Variants in IARS1 observed in about 807,000 individuals in gnomAD.
IARS1 encodes the protein isoleucine--tRNA ligase, cytoplasmic.
A neutral mutation model predicts 168.2 loss-of-function variants in IARS1; 124 were observed. The ratio of observed to expected loss-of-function variants is 0.74; its 90% CI spans 0.64 to 0.86. The LOEUF (loss-of-function observed/expected upper bound fraction) is 0.86, where lower values mean the gene tolerates loss of function less well. Among genes scored for constraint, IARS1 ranks in the 40% least tolerant of loss-of-function variants. The probability of loss-of-function intolerance (pLI) is 0.00; values close to 1 mark genes in which losing one functional copy is unlikely to be tolerated. For missense variants in IARS1, 1,452 were observed against 1,515.8 expected, an observed-to-expected ratio of 0.96 and a Z score of 0.70; for synonymous variants, 532 against 529.4, an observed-to-expected ratio of 1.00 and a Z score of -0.07.
At chr9:92,269,381 T>C (rs116411724) in intron 13 of IARS1, among the ~76,000 whole-genome samples, 6 of 152,328 alleles carry the variant, frequency 3.9e-5, no homozygotes, top group Admixed American at 3.3e-4. Flanking sequence ...GAAATGATAC[T>C]TCTTGGGCTA....
At chr9:92,281,678 T>C (rs896883340) in intron 6 of IARS1, among the ~76,000 whole-genome samples, 2 of 151,804 alleles carry the variant, frequency 1.3e-5, no homozygotes, top group African/African-American at 4.8e-5. Flanking sequence ...TTTACGGAAA[T>C]GTTTCAACAC....
chr9:92,265,006 C>T lies in IARS1; in HGVS notation c.1623G>A (p.Pro541=), dbSNP rs148687253. 672 of 1,614,012 alleles carry T rather than the reference C, an allele frequency of 4.2e-4. 1 individual carries two copies. The highest frequency in any genetic ancestry group is 2.3e-3 in the Middle Eastern group (14 of 6,082). The change falls in exon 16 of 34, where the codon CCG becomes CCA. Residue 541 remains proline, a synonymous_variant. Transcript: ENST00000443024. ...CCTCAAACTCCCTCTTGTTTTCAAACGGGTAATGAACCTGAGCATAGGGCA... is the reference window on the plus strand; with the variant it reads ...CCTCAAACTCCCTCTTGTTTTCAAATGGGTAATGAACCTGAGCATAGGGCA... The part of the protein sequence containing the change: ...GSMPYAQVHY[P]FENKREFEDA...
chr9:92,233,840 C>T (rs182297245), intron 30 of IARS1, among the ~76,000 whole-genome samples: 98 of 152,300 alleles, frequency 6.4e-4, no homozygotes, highest in African/African-American at 2.2e-3. Context: ...TGGCTCACTG[C>T]AGCCTCCATC....
chr9:92,272,764 T>C (rs555069804), intron 10 of IARS1, among the ~76,000 whole-genome samples: 1 of 150,802 alleles, frequency 6.6e-6, no homozygotes, highest in South Asian at 2.1e-4. Flanking sequence ...GGCAGGAGAA[T>C]CGCTTGAACC....
At chr9:92,253,502 T>G (rs776456960) in intron 20 of IARS1, 49 bp from the exon 21 acceptor site, 9 of 1,218,336 alleles carry the variant, frequency 7.4e-6, no homozygotes, top group Non-Finnish European at 1.1e-5. Context: ...ACCAGGCATC[T>G]GGGGTGGGGA....
intron 29 of IARS1, 141 bp downstream of exon 29, chr9:92,242,013 C>T (rs1828487714): frequency 1.5e-6 from 1 of 652,268 alleles, no homozygotes; most frequent in Middle Eastern, 3.2e-4. Flanking sequence ...TCTGACTCTA[C>T]CCACTACTGT....
At position 92,242,158 on chromosome 9, in the gene IARS1, G is replaced by A. The variant is rs1214665522; in HGVS notation, c.3173C>T (p.Thr1058Ile). 6.2e-7 allele frequency: 1 copy of A among 1,612,988 alleles called. No individual in the cohort carries two copies. Among genetic ancestry groups the A allele is most frequent in the Non-Finnish European group, 8.5e-7 (1 of 1,179,408 alleles). The change falls in exon 29 of 34, where the codon ACA becomes ATA. Residue 1058 changes from threonine (T) to isoleucine (I), a missense_variant. Coordinates refer to ENST00000443024, the MANE Select transcript of IARS1 (RefSeq NM_002161.6). ...TCAGTGGAACTCAGGACTCACCTGT[G>A]TTTTTTCTTGAATAAGGACTTTATC... Reference protein sequence around the residue: ...PSDKVLIQEKTQLKGSELEIT... With the variant: ...PSDKVLIQEKIQLKGSELEIT...
intron 30 of IARS1, among the ~76,000 whole-genome samples, chr9:92,239,830 T>A (rs1828101546): frequency 1.3e-5 from 2 of 152,126 alleles, no homozygotes; most frequent in Non-Finnish European, 2.9e-5. Context: ...CACTTGGCCT[T>A]TGCTAATGTG....
Position 92,223,384 on chromosome 9 carries a change from T to C in IARS1, c.3515A>G (p.Gln1172Arg). Residue 1172 changes from glutamine to arginine, a missense_variant, in exon 32 of 34, where the codon CAG becomes CGG. By Grantham distance (43) the Gln-to-Arg change is conservative. Transcript: ENST00000443024. Reference sequence around the variant, plus strand: ...ATTCAGGAGCTGTAGGTTGATATACTGACAAAGAAGAGTACTAGAACTGTT... The same window carrying C: ...ATTCAGGAGCTGTAGGTTGATATACCGACAAAGAAGAGTACTAGAACTGTT... ...LINSSSTLLC[Q>R]YINLQLLNAK... 1.2e-6 allele frequency: 2 copies of C among 1,613,856 alleles called. No individual in the cohort carries two copies. Among genetic ancestry groups the C allele is most frequent in the Non-Finnish European group, 1.7e-6 (2 of 1,179,818 alleles).
chr9:92,263,858 T>C (rs945416615), intron 16 of IARS1, among the ~76,000 whole-genome samples: 1 of 152,190 alleles, frequency 6.6e-6, no homozygotes, highest in African/African-American at 2.4e-5. Context: ...CATCTACCCC[T>C]TTCTAAAAAC....
chr9:92,291,604 G>C (rs910106158), intron 1 of IARS1, among the ~76,000 whole-genome samples: 1 of 152,178 alleles, frequency 6.6e-6, no homozygotes, highest in Admixed American at 6.5e-5. Context: ...AGGCATTTTA[G>C]ATCTTCAACT....
At chr9:92,250,691 C>T in intron 23 of IARS1, 22 bp downstream of exon 23, 1 of 1,588,276 alleles carries the variant, frequency 6.3e-7, no homozygotes, top group Non-Finnish European at 8.6e-7. Context: ...ACAGGTGAGG[C>T]TTATTTCTAT....
At chr9:92,271,254 A>G (rs772510257) in intron 11 of IARS1, among the ~76,000 whole-genome samples, 178 bp from the exon 12 acceptor site, 14 of 152,188 alleles carry the variant, frequency 9.2e-5, no homozygotes, top group Non-Finnish European at 1.8e-4. Context: ...TTAAGGTCAT[A>G]AAGTTTTTCG....
chr9:92,231,591 G>GTTT (rs113987313), intron 30 of IARS1, among the ~76,000 whole-genome samples: 2 of 124,996 alleles, frequency 1.6e-5, no homozygotes, highest in African/African-American at 2.9e-5. Context: ...TTTTGTATTT[G>GTTT]TTTTTTTTTT....
At chr9:92,272,973 G>A (rs1833296739) in intron 10 of IARS1, among the ~76,000 whole-genome samples, 2 of 150,118 alleles carry the variant, frequency 1.3e-5, no homozygotes, top group South Asian at 4.2e-4. Context: ...AGATATATGA[G>A]ATATAACTCT....
chr9:92,230,661 A>G (rs1443565631), intron 30 of IARS1, among the ~76,000 whole-genome samples: 1 of 152,222 alleles, frequency 6.6e-6, no homozygotes, highest in African/African-American at 2.4e-5. Context: ...GTCATTATAG[A>G]AAGCACATAT....
At chr9:92,227,653 C>T (rs1483111557) in intron 31 of IARS1, among the ~76,000 whole-genome samples, 2 of 151,246 alleles carry the variant, frequency 1.3e-5, no homozygotes, top group African/African-American at 4.9e-5. Flanking sequence ...CTCCTCACTT[C>T]TCAGACGGGG....
At chr9:92,282,860 A>ATT (rs35959111) in intron 6 of IARS1, among the ~76,000 whole-genome samples, 217 of 132,830 alleles carry the variant, frequency 1.6e-3, no homozygotes, top group Middle Eastern at 3.8e-3. Context: ...ATATATATAT[A>ATT]TTTTTTTTTT....
At chr9:92,245,536 T>C (rs973505287) in intron 26 of IARS1, among the ~76,000 whole-genome samples, 1 of 152,196 alleles carries the variant, frequency 6.6e-6, no homozygotes, top group South Asian at 2.1e-4. Flanking sequence ...GTACTGAGCA[T>C]CATGCCTGTT....
Sources: gnomAD v4.1 joint callset for allele counts (sites outside exome capture counted in the v4.1 genomes callset) on GRCh38, gnomAD v4.1.1 for gene constraint, MANE v1.5 for transcripts, NCBI Gene and HGNC (gene_info 2026-07-23, HGNC 2026-07-21) for gene names.